MED12L: variants seen among roughly 807,000 people sequenced by gnomAD.
MED12L encodes the protein mediator complex subunit 12L.
MED12L carries 60 observed loss-of-function variants against 281.3 expected under a neutral mutation model. The ratio of observed to expected loss-of-function variants is 0.21; its 90% CI spans 0.17 to 0.26. The LOEUF (loss-of-function observed/expected upper bound fraction) is 0.26. MED12L is among the 10% of genes least tolerant of loss of function. The pLI, the probability that MED12L is intolerant of heterozygous loss-of-function variation, is 1.00. For synonymous variants in MED12L, 974 were observed against 987.2 expected (o/e 0.99, Z 0.25); for missense variants, 2,146 against 2,680.9 (o/e 0.80, Z 4.41).
chr3:151,363,881 ATC>A lies in MED12L; in HGVS notation c.2958-1094_2958-1093del, dbSNP rs1193925990. On this transcript the variant is annotated intron_variant, in intron 21 of 44. Transcript: ENST00000687756. ...ATTTTGGTAAACATTGAACTGAACA[ATC>A]TCTGTTTTCTTAAAGCTATTGACAG... Among the ~76,000 whole-genome samples the A allele has an allele frequency of 2.6e-5, 4 of 152,124 alleles. No individual in the cohort carries two copies. The East Asian group carries it at 5.8e-4, about 22-fold the overall frequency.
At chr3:151,395,515 A>G (rs1468021114) in intron 39 of MED12L, among the ~76,000 whole-genome samples, 1 of 152,210 alleles carries the variant, frequency 6.6e-6, no homozygotes, top group African/African-American at 2.4e-5. Flanking sequence ...AACTCATGAA[A>G]CACCTATGCG....
chr3:151,350,752 G>GAA (rs148747474), intron 17 of MED12L, among the ~76,000 whole-genome samples: 4,176 of 152,242 alleles, frequency 0.027, 183 homozygotes, highest in African/African-American at 0.096. Context: ...TCAAATAAAA[G>GAA]AATTTGATCT....
chr3:151,400,628 C>T (rs1560127153), intron 39 of MED12L, among the ~76,000 whole-genome samples: 2 of 152,132 alleles, frequency 1.3e-5, no homozygotes, highest in Non-Finnish European at 2.9e-5. Flanking sequence ...TCAGAACCTC[C>T]CAGAGCTGTT....
At position 151,387,934 on chromosome 3, in the gene MED12L, A is replaced by G; in HGVS notation, c.5213A>G (p.Tyr1738Cys). 1 of 1,614,030 alleles carries G rather than the reference A, an allele frequency of 6.2e-7. No individual in the cohort carries two copies. The highest frequency in any genetic ancestry group is 8.5e-7 in the Non-Finnish European group (1 of 1,180,010). ...CGAGTGGACCGAAGAGTGATCAAGT[A>G]CGAGGAGCAGCATCACCTCCTGCTG... ...TVRVDRRVIK[Y>C]EEQHHLLLYH... Residue 1738 changes from tyrosine (Y) to cysteine (C), a missense_variant, in exon 37 of 45, where the codon TAC becomes TGC. Tyr to Cys is a radical substitution (Grantham distance 194, BLOSUM62 -2). Around this residue, in one of 9 missense-constraint regions of MED12L, gnomAD observed 496 missense variants for 512.0 expected, o/e 0.97. Coordinates refer to ENST00000687756, the MANE Select transcript of MED12L (RefSeq NM_001393769.1).
At chr3:151,206,750 T>G (rs938165605) in intron 16 of MED12L, among the ~76,000 whole-genome samples, 1 of 145,020 alleles carries the variant, frequency 6.9e-6, no homozygotes, top group Non-Finnish European at 1.5e-5. Flanking sequence ...GTTCACGCCG[T>G]TCTCCTGCCT....
intron 40 of MED12L, 83 bp downstream of exon 40, chr3:151,409,415 C>A: frequency 5.9e-6 from 7 of 1,182,484 alleles, no homozygotes; most frequent in South Asian, 1.2e-5. Flanking sequence ...TAGAATATAT[C>A]AACTCCCTAT....
chr3:151,230,831 T>C, intron 16 of MED12L, among the ~76,000 whole-genome samples: 1 of 152,154 alleles, frequency 6.6e-6, no homozygotes, highest in African/African-American at 2.4e-5. Context: ...GCAGAAGTAG[T>C]GACTTCCCAC....
rs750101653 is a variant in MED12L, at chr3:151,165,849, T to G, written c.1361T>G (p.Val454Gly). The G allele has an allele frequency of 4.9e-5, 79 of 1,613,280 alleles. No individual in the cohort carries two copies. The Middle Eastern group carries it at 4.9e-4, about 10-fold the overall frequency. Reference sequence around the variant, plus strand: ...CTTGTTTAATTTCTGCCTATAGGGGTGACTATTAGTCGGGTTTTGCACACG... The same window carrying G: ...CTTGTTTAATTTCTGCCTATAGGGGGGACTATTAGTCGGGTTTTGCACACG... ...FDKCQESTAG[V>G]TISRVLHTLE... The change falls in exon 11 of 45, where the codon GTG becomes GGG. Residue 454 changes from valine (V) to glycine (G), a missense_variant. Transcript: ENST00000687756.
At chr3:151,157,191 T>G (rs998469068) in intron 6 of MED12L, among the ~76,000 whole-genome samples, 2 of 152,182 alleles carry the variant, frequency 1.3e-5, no homozygotes, top group Non-Finnish European at 2.9e-5. Context: ...CTCAGCATGT[T>G]TAATGGTTCT....
At chr3:151,336,176 G>T (rs1750956780) in intron 16 of MED12L, among the ~76,000 whole-genome samples, 1 of 152,164 alleles carries the variant, frequency 6.6e-6, no homozygotes, top group African/African-American at 2.4e-5. Context: ...TATAGAACAT[G>T]TAAATTTATG....
intron 35 of MED12L, chr3:151,384,819 G>GTA: frequency 2.0e-6 from 1 of 496,604 alleles, no homozygotes. Flanking sequence ...CAGTGCCTTT[G>GTA]TATGTGTTCT....
chr3:151,369,051 G>C (rs565804417), intron 25 of MED12L, among the ~76,000 whole-genome samples: 2 of 152,000 alleles, frequency 1.3e-5, no homozygotes, highest in Non-Finnish European at 2.9e-5. Flanking sequence ...GTGAGCCACC[G>C]CACCCATCCC....
intron 5 of MED12L, among the ~76,000 whole-genome samples, chr3:151,134,256 C>G (rs1250083689): frequency 2.0e-5 from 3 of 151,478 alleles, no homozygotes; most frequent in African/African-American, 7.3e-5. Context: ...CTCTCTGCCA[C>G]GGTTCTTCTG....
At chr3:151,294,751 A>C in intron 16 of MED12L, 1 of 1,614,156 alleles carries the variant, frequency 6.2e-7, no homozygotes, top group Non-Finnish European at 8.5e-7. Context: ...TGATCACCCA[A>C]ACACAAACAG....
At position 151,388,191 on chromosome 3, in the gene MED12L, G is replaced by T; in HGVS notation, c.5451+19G>T. 1 of 1,574,608 alleles carries T rather than the reference G, an allele frequency of 6.4e-7. No homozygotes were observed. Among genetic ancestry groups the T allele is most frequent in the South Asian group, 1.2e-5 (1 of 86,708 alleles). ...AGTTGATGTAAGTGGGGAAAGGAAGGAGAACCTTGGCTCATTAGCATTTAG... is the reference window on the plus strand; with the variant it reads ...AGTTGATGTAAGTGGGGAAAGGAAGTAGAACCTTGGCTCATTAGCATTTAG... On this transcript the variant is annotated intron_variant, in intron 37 of 44. Transcript: ENST00000687756.
chr3:151,397,354 T>A (rs1262316180), intron 39 of MED12L, among the ~76,000 whole-genome samples: 1 of 152,208 alleles, frequency 6.6e-6, no homozygotes, highest in African/African-American at 2.4e-5. Context: ...AAAATAGTAT[T>A]CTTAAAGGAA....
rs573905909 is a variant in MED12L, at chr3:151,435,477, A to AAGTC, written c.*2677_*2680dup. 7 of 151,912 alleles carry AAGTC rather than the reference A, an allele frequency of 4.6e-5. No individual in the cohort carries two copies. The highest frequency in any genetic ancestry group is 1.9e-4 in the East Asian group (1 of 5,182). 9.4% of individuals were successfully genotyped at this position (151,912 alleles called of 1,614,324 possible). A position where few individuals can be genotyped will look rare whatever the true frequency, so the allele number is the denominator to read the frequency against. On this transcript the variant is annotated 3_prime_UTR_variant, in exon 45 of 45. Transcript: ENST00000687756. ...TTTAGGCTGAGATGGGGCTAACTGA[A>AAGTC]AGTCAGTGTGATGAAAACCCAAGGG...
intron 32 of MED12L, 81 bp downstream of exon 32, chr3:151,380,305 A>C (rs558538730): frequency 1.0e-6 from 1 of 968,782 alleles, no homozygotes; most frequent in Admixed American, 2.6e-5. Context: ...ACTGAGATTA[A>C]ATTAATAAGG....
Position 151,412,808 on chromosome 3 carries a change from G to A in MED12L, c.6141-331G>A, listed in dbSNP as rs111703670. 5.9e-3 allele frequency among the ~76,000 whole-genome samples: 893 copies of A among 152,264 alleles called. 8 individuals carry two copies. The highest frequency in any genetic ancestry group is 0.024 in the South Asian group (114 of 4,828). On this transcript the variant is annotated intron_variant, in intron 41 of 44. Coordinates refer to ENST00000687756, the MANE Select transcript of MED12L (RefSeq NM_001393769.1). The stretch of plus-strand genomic sequence containing the variant: ...TGACCTTAAAGGGCTCTCTGGTGGG[G>A]AGTAAATGAAGTAACACATTTCAGA...
Sources: allele counts gnomAD v4.1 joint callset (sites outside exome capture counted in the v4.1 genomes callset), GRCh38; gene constraint gnomAD v4.1.1; regional missense constraint gnomAD v4.1.1; transcripts MANE v1.5; gene names NCBI Gene and HGNC (gene_info 2026-07-23, HGNC 2026-07-21).